Variants in COL6A2 observed in about 807,000 individuals in gnomAD.
The protein encoded by COL6A2 is collagen alpha-2(VI) chain.
In COL6A2, 90 loss-of-function variants were observed where a neutral mutation model predicts 124.9. That is an observed-to-expected ratio of 0.72 (90% CI 0.61 to 0.86). The LOEUF (loss-of-function observed/expected upper bound fraction) is 0.86, where lower values mean the gene tolerates loss of function less well. Ranked by LOEUF, COL6A2 falls within the 40% of genes least tolerant of loss-of-function variation. The pLI is 0.00. For missense variants in COL6A2, 1,607 were observed against 1,502.5 expected (o/e 1.07, Z -1.15); for synonymous variants, 793 against 618.2 (o/e 1.28, Z -4.19).
intron 27 of COL6A2, among the ~76,000 whole-genome samples, chr21:46,127,961 CT>C (rs752753772): frequency 2.0e-5 from 3 of 152,214 alleles, no homozygotes; most frequent in Non-Finnish European, 4.4e-5. Context: ...GTGTGTGGCC[CT>C]GTTTATGCAC....
intron 1 of COL6A2, among the ~76,000 whole-genome samples, chr21:46,110,160 C>T (rs1024621634): frequency 5.9e-5 from 9 of 152,190 alleles, no homozygotes; most frequent in Admixed American, 5.2e-4. Context: ...GCACACCACC[C>T]GGCCCGGCCC....
Position 46,113,967 on chromosome 21 carries a change from T to TCCCA in COL6A2, c.736-36_736-33dup, listed in dbSNP as rs1412813889. 4 of 1,563,394 alleles carry TCCCA rather than the reference T, an allele frequency of 2.6e-6. No homozygotes were observed. In the African/African-American group the frequency reaches 5.4e-5, roughly 21 times the overall value. The stretch of plus-strand genomic sequence containing the variant: ...ACCCTGCCCTGCCACCTGAGGAATG[T>TCCCA]CCCACCCATGCAACCTTCTGTCTCT... On this transcript the variant is annotated intron_variant, in intron 4 of 27. Transcript: ENST00000300527.
chr21:46,129,626 G>A (rs2078732745), intron 27 of COL6A2: 2 of 1,429,584 alleles, frequency 1.4e-6, no homozygotes, highest in South Asian at 1.5e-5. Flanking sequence ...CCTTCCAGGG[G>A]CTCTGGGGCA....
At chr21:46,118,960 C>T in intron 13 of COL6A2, 70 bp from the exon 14 acceptor site, 2 of 1,247,636 alleles carry the variant, frequency 1.6e-6, no homozygotes, top group Non-Finnish European at 2.4e-6. Flanking sequence ...CCACACCACA[C>T]ACCGCACAGG....
chr21:46,115,188 T>A (rs2078453812), intron 5 of COL6A2, among the ~76,000 whole-genome samples: 1 of 152,206 alleles, frequency 6.6e-6, no homozygotes, highest in South Asian at 2.1e-4. Flanking sequence ...GCCACAGGGA[T>A]CACTGTGGTT....
rs758073557 is a variant in COL6A2 at position 46,112,183 on chromosome 21, T to C, written c.320T>C (p.Val107Ala). ...CTGCACTTCTCTGACCAGGTGGAGG[T>C]GTTCAGCCCACCGGGCAGCGACCGG... ...GGLHFSDQVE[V>A]FSPPGSDRAS... Residue 107 changes from valine (V) to alanine (A), a missense_variant, in exon 3 of 28, where the codon GTG (valine) becomes GCG (alanine). Around this residue, in one of 3 missense-constraint regions of COL6A2, gnomAD observed 342 missense variants for 381.5 expected, o/e 0.90. Coordinates refer to ENST00000300527, the MANE Select transcript of COL6A2 (RefSeq NM_001849.4). 4.4e-5 allele frequency: 71 copies of C among 1,612,688 alleles called. No individual in the cohort carries two copies. In the South Asian group the frequency reaches 7.6e-4, roughly 17 times the overall value.
intron 1 of COL6A2, among the ~76,000 whole-genome samples, chr21:46,104,779 CAAGA>C (rs1568920631): frequency 1.3e-5 from 2 of 152,106 alleles, no homozygotes; most frequent in Admixed American, 6.5e-5. Context: ...TTGAAAACAG[CAAGA>C]AAGAATGATT....
At chr21:46,122,624 C>A (rs1279164296) in intron 20 of COL6A2, 93 bp downstream of exon 20, 56 of 1,397,074 alleles carry the variant, frequency 4.0e-5, no homozygotes, top group Non-Finnish European at 5.2e-5. Flanking sequence ...ACTGACAGGA[C>A]CACCCCTGTC....
At chr21:46,115,783 T>G (rs549809335) in intron 5 of COL6A2, 89 bp from the exon 6 acceptor site, 2 of 1,178,146 alleles carry the variant, frequency 1.7e-6, no homozygotes, top group African/African-American at 1.5e-5. Flanking sequence ...ACCTCTGCTG[T>G]GTCACCTCTC....
At chr21:46,129,074 TACCG>T in intron 27 of COL6A2, 1 of 1,599,678 alleles carries the variant, frequency 6.3e-7, no homozygotes, top group South Asian at 1.1e-5. Context: ...GCATTTCCTC[TACCG>T]ACTCGCCAGC....
chr21:46,129,064 G>C, intron 27 of COL6A2: 1 of 1,599,652 alleles, frequency 6.3e-7, no homozygotes, highest in Admixed American at 1.7e-5. Flanking sequence ...CGCTCCACCT[G>C]CATTTCCTCT....
chr21:46,128,963 G>T, intron 27 of COL6A2: 1 of 1,610,108 alleles, frequency 6.2e-7, no homozygotes, highest in Non-Finnish European at 8.5e-7. Flanking sequence ...TCCCCCAAAG[G>T]TGCCACCGTG....
rs1382718383 is a variant in COL6A2, at chr21:46,132,580, G to T, written c.*28G>T. 3 of 1,563,734 alleles carry T rather than the reference G, an allele frequency of 1.9e-6. No individual in the cohort carries two copies. The highest frequency in any genetic ancestry group is 2.3e-5 in the South Asian group (2 of 87,078). On this transcript the variant is annotated 3_prime_UTR_variant, in exon 28 of 28. Coordinates refer to ENST00000300527, the MANE Select transcript of COL6A2 (RefSeq NM_001849.4). ...CCGCCGCCCGGGCCCCGCAGTCGAG[G>T]GTCGTGAGCCCACCCCGTCCATGGT...
At position 46,124,216 on chromosome 21, in the gene COL6A2, G is replaced by A. The variant is rs985561372; in HGVS notation, c.1672-435G>A. ...TGGATGGGTTAGTGGGTGGCTGGGT[G>A]GATGGATGATGGATGGGTGACTGGG... On this transcript the variant is annotated intron_variant, in intron 21 of 27. Transcript: ENST00000300527. Among the ~76,000 whole-genome samples the A allele has an allele frequency of 1.0e-4, 15 of 150,332 alleles. No homozygotes were observed. In the East Asian group the frequency reaches 3.1e-3, roughly 31 times the overall value.
At position 46,125,448 on chromosome 21, in the gene COL6A2, C is replaced by T. The variant is rs763743851; in HGVS notation, c.1817-17C>T. 3.1e-6 allele frequency: 5 copies of T among 1,609,386 alleles called. No homozygotes were observed. Among genetic ancestry groups the T allele is most frequent in the South Asian group, 1.1e-5 (1 of 90,976 alleles). Reference sequence around the variant, plus strand: ...AGGTCTCCCCGGTACCCCCCGATGACCCTGCCACCCCCCCAGACTGTGAGA... The same window carrying T: ...AGGTCTCCCCGGTACCCCCCGATGATCCTGCCACCCCCCCAGACTGTGAGA... On this transcript the variant is annotated splice_polypyrimidine_tract_variant and intron_variant, in intron 24 of 27. Transcript: ENST00000300527.
intron 2 of COL6A2, 101 bp from the exon 3 acceptor site, chr21:46,111,878 G>T: frequency 2.4e-6 from 3 of 1,274,174 alleles, no homozygotes; most frequent in Non-Finnish European, 1.1e-6. Flanking sequence ...GGCATTCGGG[G>T]GCAGTGAGGT....
At position 46,109,188 on chromosome 21, in the gene COL6A2, GAGAA is replaced by G. The variant is rs1448404408; in HGVS notation, c.-27-2259_-27-2256del. Among the ~76,000 whole-genome samples, 9 of 152,254 alleles carry G rather than the reference GAGAA, an allele frequency of 5.9e-5. No individual in the cohort carries two copies. The South Asian group carries it at 1.4e-3, about 25-fold the overall frequency. ...CAACTAGTGTTCAGCTCTCAGCAGA[GAGAA>G]AGCCCTGGAGAGGGTAGCTCCTCTC... is the stretch of plus-strand genomic sequence containing the variant. On this transcript the variant is annotated intron_variant, in intron 1 of 27. Transcript: ENST00000300527.
intron 1 of COL6A2, 50 bp from the exon 2 acceptor site, chr21:46,111,400 C>A: frequency 2.8e-6 from 3 of 1,081,822 alleles, no homozygotes; most frequent in Non-Finnish European, 4.2e-6. Context: ...GGGGAGGGTG[C>A]CAGGGGAGAG....
intron 1 of COL6A2, among the ~76,000 whole-genome samples, chr21:46,109,785 C>A (rs959342893): frequency 6.6e-6 from 1 of 152,148 alleles, no homozygotes; most frequent in Non-Finnish European, 1.5e-5. Flanking sequence ...AGCTGGGCAG[C>A]GGGAACAGGC....
Sources: allele counts gnomAD v4.1 joint callset (sites outside exome capture counted in the v4.1 genomes callset), GRCh38; gene constraint gnomAD v4.1.1; regional missense constraint gnomAD v4.1.1; transcripts MANE v1.5; gene names NCBI Gene and HGNC (gene_info 2026-07-23, HGNC 2026-07-21).